The following RCBTB1 variants were observed in gnomAD, a reference collection of about 807,000 sequenced individuals.
RCBTB1 encodes RCC1 and BTB domain containing protein 1, also known as RCC1 and BTB domain-containing protein 1.
Under a neutral mutation model 62.4 loss-of-function variants are expected in RCBTB1, and 46 were observed. That is an observed-to-expected ratio of 0.74 (90% CI 0.58 to 0.94). RCBTB1 has a LOEUF of 0.94. RCBTB1 is among the 40% of genes least tolerant of loss of function. The pLI, the probability that RCBTB1 is intolerant of heterozygous loss-of-function variation, is 0.00. For missense variants in RCBTB1, 565 were observed against 654.9 expected (o/e 0.86, Z 1.50); for synonymous variants, 222 against 245.8 (o/e 0.90, Z 0.91).
intron 3 of RCBTB1, 88 bp from the exon 4 acceptor site, chr13:49,566,856 A>G: frequency 7.9e-7 from 1 of 1,272,188 alleles, no homozygotes; most frequent in South Asian, 1.5e-5. Flanking sequence ...AAGACATTTC[A>G]ACTACAGAGC....
intron 11 of RCBTB1, among the ~76,000 whole-genome samples, 185 bp from the exon 12 acceptor site, chr13:49,541,191 ATTTAC>A (rs890846612): frequency 2.0e-5 from 3 of 152,148 alleles, no homozygotes; most frequent in African/African-American, 4.8e-5. Context: ...CCTCTCCTAT[ATTTAC>A]TTTATACAAT....
chr13:49,551,166 A>G (rs1354096101), intron 8 of RCBTB1, 160 bp downstream of exon 8: 2 of 630,402 alleles, frequency 3.2e-6, no homozygotes, highest in Admixed American at 3.4e-5. Context: ...GGGAGGGAGA[A>G]GGAGGAAGGG....
chr13:49,578,010 T>C (rs1963886453), intron 2 of RCBTB1, among the ~76,000 whole-genome samples: 1 of 152,196 alleles, frequency 6.6e-6, no homozygotes, highest in Admixed American at 6.5e-5. Context: ...AATTTATTTA[T>C]AGTTAATGAG....
intron 4 of RCBTB1, among the ~76,000 whole-genome samples, chr13:49,561,552 C>T (rs1360330930): frequency 6.6e-6 from 1 of 152,054 alleles, no homozygotes; most frequent in African/African-American, 2.4e-5. Context: ...CCCCTGAAAA[C>T]AGAAAAATAG....
intron 4 of RCBTB1, among the ~76,000 whole-genome samples, chr13:49,560,558 T>C (rs9535262): frequency 0.85 from 128,896 of 152,082 alleles, 54,760 homozygotes; most frequent in East Asian, 0.9. Context: ...AACAAAAGTC[T>C]CAGGGCTTCT....
rs750464806 is a variant in RCBTB1, at chr13:49,552,243, C to T, written c.646G>A (p.Gly216Arg). The stretch of plus-strand genomic sequence containing the variant: ...GGGGTCAGCTGGTTGCCATTGTTTC[C>T]CAGGCCCAGCTGACCGTTGCCATTG... ...GYNGNGQLGLGNNGNQLTPVR... is the reference protein window; with the variant it reads ...GYNGNGQLGLRNNGNQLTPVR... Residue 216 changes from glycine (G) to arginine (R), a missense_variant, in exon 7 of 13, where the codon GGA becomes AGA. Gly to Arg is a moderately radical substitution (Grantham distance 125). Transcript: ENST00000378302. 2 of 1,603,698 alleles carry T rather than the reference C, an allele frequency of 1.2e-6. No individual in the cohort carries two copies.
chr13:49,538,077 T>C (rs1344934943), intron 12 of RCBTB1: 2 of 152,234 alleles, frequency 1.3e-5, no homozygotes, highest in Non-Finnish European at 2.9e-5. Flanking sequence ...CATCCCCAAG[T>C]TGAGCTCTAA....
At chr13:49,562,976 CCAATA>C (rs1319483337) in intron 4 of RCBTB1, among the ~76,000 whole-genome samples, 5 of 150,592 alleles carry the variant, frequency 3.3e-5, no homozygotes, top group African/African-American at 4.9e-5. Flanking sequence ...CCAGAAATGA[CCAATA>C]CAATAAATTA....
intron 12 of RCBTB1, 127 bp from the exon 13 acceptor site, chr13:49,534,389 T>C: frequency 2.1e-6 from 2 of 938,060 alleles, no homozygotes; most frequent in Admixed American, 2.8e-5. Flanking sequence ...AGAGGCCAGA[T>C]ACCTAAAACT....
At chr13:49,567,464 C>T in intron 2 of RCBTB1, 144 bp from the exon 3 acceptor site, 1 of 614,666 alleles carries the variant, frequency 1.6e-6, no homozygotes, top group Non-Finnish European at 2.8e-6. Flanking sequence ...TCACTTTCCC[C>T]CAGCCATGTG....
Position 49,567,209 on chromosome 13 carries a change from G to A in RCBTB1, c.71C>T (p.Ala24Val), listed in dbSNP as rs4942848. 0.66 allele frequency: 1,068,730 copies of A among 1,613,178 alleles called. 360,500 individuals are homozygous for A. The highest frequency in any genetic ancestry group is 0.72 in the Admixed American group (43,224 of 59,994). ...ACTGGCTGAGGTGCCGAAGACACACGCCTTCCGAATAGACGCGATCTCTTG... is the reference window on the plus strand; with the variant it reads ...ACTGGCTGAGGTGCCGAAGACACACACCTTCCGAATAGACGCGATCTCTTG... ...SPQEIASIRK[A>V]CVFGTSASEA... The change falls in exon 3 of 13, where the codon GCG (alanine) becomes GTG (valine). Residue 24 changes from alanine to valine, a missense_variant. By Grantham distance (64) the Ala-to-Val change is moderately conservative. Coordinates refer to ENST00000378302, the MANE Select transcript of RCBTB1 (RefSeq NM_018191.4).
Position 49,567,151 on chromosome 13 carries a change from T to C in RCBTB1, c.126+3A>G. 6.2e-7 allele frequency: 1 copy of C among 1,613,760 alleles called. No individual in the cohort carries two copies. The highest frequency in any genetic ancestry group is 2.2e-5 in the East Asian group (1 of 44,880). On this transcript the variant is annotated splice_donor_region_variant and intron_variant, in intron 3 of 12. Coordinates refer to ENST00000378302, the MANE Select transcript of RCBTB1 (RefSeq NM_018191.4). ...ACGAAACTAGGTTTCAAGAGACTCT[T>C]ACCTCATCATTGTCAGTAACGTACA...
Position 49,566,271 on chromosome 13 carries a change from AAAATAAATAAAT to A in RCBTB1, c.277+335_277+346del, listed in dbSNP as rs373186397. ...AGAATGATCAATAAAAAAATAAAAT[AAAATAAATAAAT>A]AAATAAATAAATAAATAAATAAAAA... On this transcript the variant is annotated intron_variant, in intron 4 of 12. Coordinates refer to ENST00000378302, the MANE Select transcript of RCBTB1 (RefSeq NM_018191.4). Among the ~76,000 whole-genome samples the A allele has an allele frequency of 9.1e-3, 859 of 94,882 alleles. 12 individuals carry two copies. The highest frequency in any genetic ancestry group is 0.044 in the African/African-American group (747 of 17,100). The allele number at this position is 94,882 out of a possible 152,430, so 62.2% of individuals were successfully genotyped here.
chr13:49,570,859 A>T (rs882970), intron 2 of RCBTB1, among the ~76,000 whole-genome samples: 1 of 152,010 alleles, frequency 6.6e-6, no homozygotes, highest in Non-Finnish European at 1.5e-5. Context: ...ATGAGGACTG[A>T]GGCTCAAAGG....
intron 12 of RCBTB1, among the ~76,000 whole-genome samples, chr13:49,534,594 A>G (rs1959796451): frequency 6.6e-6 from 1 of 152,240 alleles, no homozygotes; most frequent in African/African-American, 2.4e-5. Context: ...GCTCAAAGAC[A>G]TTGTTGTAAA....
intron 2 of RCBTB1, among the ~76,000 whole-genome samples, chr13:49,571,385 T>C (rs777411573): frequency 6.6e-6 from 1 of 152,116 alleles, no homozygotes; most frequent in Non-Finnish European, 1.5e-5. Context: ...ATAAAAAGCA[T>C]TCCGCAAAAT....
At chr13:49,544,035 C>T (rs1960603093) in intron 10 of RCBTB1, among the ~76,000 whole-genome samples, 2 of 152,164 alleles carry the variant, frequency 1.3e-5, no homozygotes, top group Non-Finnish European at 2.9e-5. Flanking sequence ...AACAGAAGCA[C>T]AGCATTCCTA....
At chr13:49,547,203 TA>T (rs1343641998) in intron 9 of RCBTB1, 3 of 1,221,582 alleles carry the variant, frequency 2.5e-6, no homozygotes, top group Non-Finnish European at 1.1e-6. Flanking sequence ...GTATTATACC[TA>T]AAGAACATGG....
intron 12 of RCBTB1, among the ~76,000 whole-genome samples, chr13:49,535,360 G>A (rs185476846): frequency 7.2e-5 from 11 of 152,178 alleles, no homozygotes; most frequent in Admixed American, 3.9e-4. Context: ...TTATTAAATC[G>A]ATTAGGCACC....
Sources: gnomAD v4.1 joint callset for allele counts (sites outside exome capture counted in the v4.1 genomes callset) on GRCh38, gnomAD v4.1.1 for gene constraint, MANE v1.5 for transcripts, NCBI Gene and HGNC (gene_info 2026-07-23, HGNC 2026-07-21) for gene names.